GALNTL6: variants seen among roughly 807,000 people sequenced by gnomAD.
GALNTL6 encodes the protein polypeptide N-acetylgalactosaminyltransferase-like 6.
GALNTL6 carries 46 observed loss-of-function variants against 73.7 expected under a neutral mutation model. The ratio of observed to expected loss-of-function variants is 0.62; its 90% confidence interval spans 0.49 to 0.80. The LOEUF is 0.80. Among genes scored for constraint, GALNTL6 ranks in the 30% least tolerant of loss-of-function variants. The pLI is 0.00. For synonymous variants in GALNTL6, 259 were observed against 263.7 expected (o/e 0.98, Z 0.17); for missense variants, 604 against 755.0 (o/e 0.80, Z 2.34).
At chr4:171,866,755 C>T (rs979151538) in intron 2 of GALNTL6, among the ~76,000 whole-genome samples, 3 of 152,166 alleles carry the variant, frequency 2.0e-5, no homozygotes, top group African/African-American at 7.2e-5. Flanking sequence ...TCTGTTGTGT[C>T]CTCACATGGT....
chr4:172,058,164 G>A (rs769695205), intron 2 of GALNTL6, among the ~76,000 whole-genome samples: 1 of 83,702 alleles, frequency 1.2e-5, no homozygotes, highest in Admixed American at 1.3e-4. Flanking sequence ...GTACAGACCA[G>A]TGCCCAAGCT....
intron 9 of GALNTL6, among the ~76,000 whole-genome samples, chr4:172,941,041 C>T (rs1270498299): frequency 6.6e-6 from 1 of 152,180 alleles, no homozygotes; most frequent in African/African-American, 2.4e-5. Flanking sequence ...TCCTCAAAAG[C>T]TCTCACAGAT....
At chr4:171,910,120 A>C (rs997790573) in intron 2 of GALNTL6, among the ~76,000 whole-genome samples, 3 of 152,260 alleles carry the variant, frequency 2.0e-5, no homozygotes, top group African/African-American at 7.2e-5. Context: ...AGCTAGCATA[A>C]AGCTTTTTAG....
chr4:172,296,452 G>A (rs1739677039), intron 3 of GALNTL6, among the ~76,000 whole-genome samples: 1 of 152,126 alleles, frequency 6.6e-6, no homozygotes, highest in Non-Finnish European at 1.5e-5. Flanking sequence ...GAGTTGGTGT[G>A]CTGCACCCGT....
At chr4:172,353,332 T>G (rs1006426583) in intron 5 of GALNTL6, among the ~76,000 whole-genome samples, 1 of 152,086 alleles carries the variant, frequency 6.6e-6, no homozygotes, top group Non-Finnish European at 1.5e-5. Context: ...GTGAATAATA[T>G]GGGTGCAATA....
rs202017302 is a variant in GALNTL6, at chr4:172,109,013, C to CAA, written c.139-120615_139-120614dup. On this transcript the variant is annotated intron_variant, in intron 2 of 12. Coordinates refer to ENST00000506823, the MANE Select transcript of GALNTL6 (RefSeq NM_001034845.3). ...GGGTGACAGAGTGAGACTCCATCTCCAAAAAAAAAAAAAAAAAAAAAAAAA... is the reference window on the plus strand; with the variant it reads ...GGGTGACAGAGTGAGACTCCATCTCCAAAAAAAAAAAAAAAAAAAAAAAAAAA... Among the ~76,000 whole-genome samples the CAA allele has an allele frequency of 3.1e-3, 339 of 108,220 alleles. 10 individuals are homozygous for CAA. Among genetic ancestry groups the CAA allele is most frequent in the East Asian group, 8.1e-3 (17 of 2,110 alleles). 71.0% of individuals were successfully genotyped at this position (108,220 alleles called of 152,430 possible). A position where few individuals can be genotyped will look rare whatever the true frequency, so the allele number is the denominator to read the frequency against.
chr4:172,574,062 CA>C (rs533778468), intron 5 of GALNTL6, among the ~76,000 whole-genome samples: 4 of 149,436 alleles, frequency 2.7e-5, no homozygotes, highest in Admixed American at 6.6e-5. Context: ...TTGGGAAAAA[CA>C]AAAAAAAAGG....
intron 4 of GALNTL6, among the ~76,000 whole-genome samples, chr4:172,335,235 A>T (rs1741273894): frequency 6.6e-6 from 1 of 152,146 alleles, no homozygotes; most frequent in South Asian, 2.1e-4. Flanking sequence ...TTACGTGTTG[A>T]ATCAGGTTTA....
chr4:172,363,719 T>C (rs1742457975), intron 5 of GALNTL6, among the ~76,000 whole-genome samples: 1 of 152,236 alleles, frequency 6.6e-6, no homozygotes, highest in Non-Finnish European at 1.5e-5. Context: ...TGAACCAATG[T>C]ACATATTCAC....
At chr4:172,288,825 A>C (rs1224523894) in intron 3 of GALNTL6, among the ~76,000 whole-genome samples, 1 of 152,202 alleles carries the variant, frequency 6.6e-6, no homozygotes, top group African/African-American at 2.4e-5. Context: ...TTGCCTAAAA[A>C]TTTATGGTCA....
intron 5 of GALNTL6, among the ~76,000 whole-genome samples, chr4:172,794,401 G>A (rs907607486): frequency 2.0e-5 from 3 of 152,166 alleles, no homozygotes; most frequent in Non-Finnish European, 4.4e-5. Flanking sequence ...GTCTTACCTA[G>A]GGAGAGAAAT....
intron 10 of GALNTL6, among the ~76,000 whole-genome samples, chr4:172,977,482 C>A (rs1184207959): frequency 1.3e-5 from 2 of 152,066 alleles, no homozygotes; most frequent in African/African-American, 4.8e-5. Context: ...TGTTGTGAGA[C>A]CTCAGTTTTT....
chr4:172,211,921 A>G (rs1473952581), intron 2 of GALNTL6, among the ~76,000 whole-genome samples: 1 of 152,164 alleles, frequency 6.6e-6, no homozygotes. Context: ...ACTTCTCAAT[A>G]TAATCACATT....
intron 2 of GALNTL6, among the ~76,000 whole-genome samples, chr4:171,859,231 C>T (rs1389277122): frequency 6.6e-6 from 1 of 152,170 alleles, no homozygotes; most frequent in Non-Finnish European, 1.5e-5. Context: ...AGAGCTAATG[C>T]TCTGGGCCAT....
intron 2 of GALNTL6, among the ~76,000 whole-genome samples, chr4:171,824,816 T>C (rs1002802411): frequency 6.6e-6 from 1 of 152,188 alleles, no homozygotes; most frequent in African/African-American, 2.4e-5. Context: ...GTTTGAATCA[T>C]GTTTAACTTC....
At chr4:171,958,897 C>A (rs942996717) in intron 2 of GALNTL6, among the ~76,000 whole-genome samples, 4 of 151,988 alleles carry the variant, frequency 2.6e-5, no homozygotes, top group African/African-American at 4.8e-5. Context: ...GTACACCATG[C>A]TTGTTAAATG....
intron 5 of GALNTL6, among the ~76,000 whole-genome samples, chr4:172,752,216 G>A (rs1001828575): frequency 2.6e-5 from 4 of 151,948 alleles, no homozygotes; most frequent in Non-Finnish European, 5.9e-5. Flanking sequence ...CTGTCCTGTT[G>A]TGAGAACAAC....
At chr4:173,006,239 G>A (rs1307292669) in intron 10 of GALNTL6, among the ~76,000 whole-genome samples, 1 of 152,168 alleles carries the variant, frequency 6.6e-6, no homozygotes, top group African/African-American at 2.4e-5. Context: ...CTCAAGTAGA[G>A]AGAAAAATAG....
In GALNTL6 at chr4:172,905,372, TAAGAG is replaced by T. The variant is rs564529698; in HGVS notation, c.1041+22470_1041+22474del. On this transcript the variant is annotated intron_variant, in intron 8 of 12. Transcript: ENST00000506823. Reference sequence around the variant, plus strand: ...TAGCTTCTTCCTCTCTGACCTTTATTAAGAGAAGACCTGAAAAATCTTGTTATGAT... The same window carrying T: ...TAGCTTCTTCCTCTCTGACCTTTATTAAGACCTGAAAAATCTTGTTATGAT... Among the ~76,000 whole-genome samples the T allele has an allele frequency of 9.2e-5, 14 of 152,318 alleles. 1 individual carries two copies. The South Asian group carries it at 2.7e-3, about 29-fold the overall frequency.
Sources: allele counts gnomAD v4.1 joint callset (sites outside exome capture counted in the v4.1 genomes callset), GRCh38; gene constraint gnomAD v4.1.1; transcripts MANE v1.5; gene names NCBI Gene and HGNC (gene_info 2026-07-23, HGNC 2026-07-21).